Variants in WWOX observed in about 807,000 individuals in gnomAD.
WWOX encodes WW domain-containing oxidoreductase.
A neutral mutation model predicts 46.2 loss-of-function variants in WWOX; 69 were observed. The observed-to-expected ratio is 1.49, with a 90% confidence interval of 1.23 to 1.82. The LOEUF (loss-of-function observed/expected upper bound fraction) is 1.82. WWOX is among the 40% of genes most tolerant of loss of function. The probability of loss-of-function intolerance (pLI) is 0.00; values close to 1 mark genes in which losing one functional copy is unlikely to be tolerated. For synonymous variants in WWOX, 359 were observed against 202.6 expected, an observed-to-expected ratio of 1.77 and a Z score of -6.56; for missense variants, 919 against 542.6, an observed-to-expected ratio of 1.69 and a Z score of -6.89.
intron 8 of WWOX, among the ~76,000 whole-genome samples, chr16:78,540,197 A>G (rs375470846): frequency 7.9e-5 from 12 of 152,192 alleles, no homozygotes; most frequent in African/African-American, 2.9e-4. Context: ...AATGGTAACA[A>G]TAGAATCTTG....
At chr16:79,052,137 C>G (rs1263919799) in intron 8 of WWOX, among the ~76,000 whole-genome samples, 2 of 151,958 alleles carry the variant, frequency 1.3e-5, no homozygotes, top group Non-Finnish European at 2.9e-5. Flanking sequence ...GCGCTGCACC[C>G]ACTAACTCGT....
intron 8 of WWOX, among the ~76,000 whole-genome samples, chr16:79,192,400 C>T (rs957454589): frequency 6.6e-6 from 1 of 152,096 alleles, no homozygotes; most frequent in Non-Finnish European, 1.5e-5. Context: ...TATACCAGAC[C>T]CAGTGCCAAA....
intron 8 of WWOX, among the ~76,000 whole-genome samples, chr16:78,714,835 G>A (rs78618721): frequency 0.017 from 2,569 of 152,288 alleles, 79 homozygotes; most frequent in African/African-American, 0.058. Flanking sequence ...TCTAGCTGCA[G>A]TGAGGAACCA....
intron 8 of WWOX, among the ~76,000 whole-genome samples, chr16:78,543,620 C>T (rs543836981): frequency 6.6e-6 from 1 of 152,134 alleles, no homozygotes; most frequent in East Asian, 1.9e-4. Context: ...ATGCAAAAAC[C>T]TAAGGCCAAG....
At chr16:78,843,447 G>T (rs1345026002) in intron 8 of WWOX, among the ~76,000 whole-genome samples, 3 of 149,986 alleles carry the variant, frequency 2.0e-5, no homozygotes, top group African/African-American at 7.3e-5. Flanking sequence ...CCCAGCTCAG[G>T]GGATGAGATT....
intron 8 of WWOX, among the ~76,000 whole-genome samples, chr16:79,208,524 A>C (rs1436685391): frequency 6.6e-6 from 1 of 152,202 alleles, no homozygotes; most frequent in Admixed American, 6.5e-5. Flanking sequence ...GGAGTTGTTA[A>C]CATTATTTCC....
At chr16:78,831,675 A>G (rs76929667) in intron 8 of WWOX, among the ~76,000 whole-genome samples, 4 of 152,188 alleles carry the variant, frequency 2.6e-5, no homozygotes, top group Non-Finnish European at 4.4e-5. Context: ...TACTATTTCC[A>G]TTGAGAAGAA....
chr16:78,557,764 C>A (rs369415456), intron 8 of WWOX, among the ~76,000 whole-genome samples: 105 of 137,288 alleles, frequency 7.6e-4, no homozygotes, highest in African/African-American at 2.8e-3. Flanking sequence ...GGCGCGATGT[C>A]AGCTCACTGC....
intron 8 of WWOX, among the ~76,000 whole-genome samples, chr16:78,894,996 G>A (rs964102970): frequency 6.6e-6 from 1 of 152,182 alleles, no homozygotes. Context: ...AGAAGCTGGA[G>A]ATCCCATCAT....
At chr16:78,658,197 A>T (rs2047124654) in intron 8 of WWOX, among the ~76,000 whole-genome samples, 1 of 152,136 alleles carries the variant, frequency 6.6e-6, no homozygotes, top group South Asian at 2.1e-4. Flanking sequence ...GAACAAAATC[A>T]CCCCTGGATG....
chr16:78,403,210 A>G (rs1224526898), intron 6 of WWOX, among the ~76,000 whole-genome samples: 1 of 152,072 alleles, frequency 6.6e-6, no homozygotes, highest in African/African-American at 2.4e-5. Context: ...TTTTTTTCTT[A>G]TTGTTTGTAA....
intron 8 of WWOX, among the ~76,000 whole-genome samples, chr16:79,096,469 C>T (rs1269043329): frequency 1.3e-5 from 2 of 152,100 alleles, no homozygotes; most frequent in Admixed American, 1.3e-4. Flanking sequence ...GAGACCCATG[C>T]CCCTCCTGGT....
intron 4 of WWOX, chr16:78,123,195 A>C (rs1174913063): frequency 1.3e-5 from 2 of 152,000 alleles, no homozygotes; most frequent in Non-Finnish European, 2.9e-5. Context: ...GTTTGTATAA[A>C]ATGCCAGGGA....
chr16:79,087,019 C>G (rs2048866079), intron 8 of WWOX, among the ~76,000 whole-genome samples: 1 of 152,220 alleles, frequency 6.6e-6, no homozygotes, highest in Non-Finnish European at 1.5e-5. Context: ...AATGGAGATA[C>G]CTGGGGGTCC....
chr16:78,618,342 A>G (rs973265427), intron 8 of WWOX, among the ~76,000 whole-genome samples: 2 of 152,172 alleles, frequency 1.3e-5, no homozygotes, highest in Admixed American at 6.5e-5. Context: ...AGTTCCTCAC[A>G]GTTCTGGAGG....
chr16:78,605,989 T>A (rs1262167527), intron 8 of WWOX, among the ~76,000 whole-genome samples: 1 of 152,226 alleles, frequency 6.6e-6, no homozygotes, highest in African/African-American at 2.4e-5. Context: ...GCTGGAGTAG[T>A]ACTGCAGCTT....
At chr16:78,580,707 C>T (rs1045738124) in intron 8 of WWOX, among the ~76,000 whole-genome samples, 3 of 152,192 alleles carry the variant, frequency 2.0e-5, no homozygotes, top group African/African-American at 4.8e-5. Context: ...TAAAATTCAG[C>T]TCCACGAATA....
At chr16:78,643,691 A>G (rs1025624762) in intron 8 of WWOX, among the ~76,000 whole-genome samples, 7 of 152,070 alleles carry the variant, frequency 4.6e-5, no homozygotes, top group Admixed American at 6.5e-5. Context: ...TTGTCTCACT[A>G]TGATATACGG....
rs371522564 is a variant in WWOX, at chr16:78,436,289, A to T, written c.1056+3537A>T. Among the ~76,000 whole-genome samples, 3 of 152,122 alleles carry T rather than the reference A, an allele frequency of 2.0e-5. No individual in the cohort carries two copies. The East Asian group carries it at 5.8e-4, about 29-fold the overall frequency. On this transcript the variant is annotated intron_variant, in intron 8 of 8. Transcript: ENST00000566780. ...TCCCTGGCCCCAAAGACTCAGGGAG[A>T]GGTTTACTGGCCAGGTAGAAAGGGC... is the stretch of plus-strand genomic sequence containing the variant.
Sources: allele counts gnomAD v4.1 joint callset (sites outside exome capture counted in the v4.1 genomes callset), GRCh38; gene constraint gnomAD v4.1.1; transcripts MANE v1.5; gene names NCBI Gene and HGNC (gene_info 2026-07-23, HGNC 2026-07-21).